Variants in TBXAS1 observed in about 807,000 individuals in gnomAD.
The protein encoded by TBXAS1 is thromboxane A synthase 1, also known as thromboxane-A synthase.
In TBXAS1, 48 loss-of-function variants were observed where a neutral mutation model predicts 60.7. The observed-to-expected ratio is 0.79, with a 90% CI of 0.63 to 1.01. The LOEUF (loss-of-function observed/expected upper bound fraction) is 1.01, where lower values mean the gene tolerates loss of function less well. Ranked by LOEUF, TBXAS1 falls within the 50% of genes least tolerant of loss-of-function variation. TBXAS1 has a pLI of 0.00. For missense variants in TBXAS1, 685 were observed against 686.3 expected (o/e 1.00, Z 0.02); for synonymous variants, 287 against 269.7 (o/e 1.06, Z -0.63).
intron 4 of TBXAS1, among the ~76,000 whole-genome samples, chr7:139,817,855 G>T (rs552785064): frequency 1.4e-4 from 22 of 152,182 alleles, no homozygotes; most frequent in Non-Finnish European, 2.1e-4. Flanking sequence ...TTGGATTATG[G>T]AAACAAACCT....
At chr7:139,811,080 GA>G (rs1798012345) in intron 4 of TBXAS1, among the ~76,000 whole-genome samples, 1 of 152,194 alleles carries the variant, frequency 6.6e-6, no homozygotes, top group Admixed American at 6.5e-5. Context: ...GAGTTCACCT[GA>G]ATTTAATTCA....
intron 4 of TBXAS1, among the ~76,000 whole-genome samples, chr7:139,815,736 C>T (rs1406763223): frequency 1.3e-5 from 2 of 152,074 alleles, no homozygotes; most frequent in African/African-American, 4.8e-5. Context: ...AGTATGAGAC[C>T]AGGGCTTCCG....
At chr7:139,788,759 C>T (rs753921890) in intron 4 of TBXAS1, among the ~76,000 whole-genome samples, 16 of 152,346 alleles carry the variant, frequency 1.1e-4, no homozygotes, top group East Asian at 3.9e-4. Context: ...ATGGAATGGC[C>T]GTGCCCTAGG....
intron 4 of TBXAS1, among the ~76,000 whole-genome samples, chr7:139,803,769 C>A (rs75687480): frequency 0.064 from 9,690 of 152,266 alleles, 1,021 homozygotes; most frequent in African/African-American, 0.22. Context: ...TCAGAGGGTG[C>A]AAGTCCCAAA....
chr7:139,816,055 C>T (rs532666157), intron 4 of TBXAS1, among the ~76,000 whole-genome samples: 1 of 152,268 alleles, frequency 6.6e-6, no homozygotes, highest in African/African-American at 2.4e-5. Flanking sequence ...ATGTTGCTGT[C>T]ATGATAGTGA....
chr7:139,817,947 A>G (rs1798193192), intron 4 of TBXAS1, among the ~76,000 whole-genome samples: 1 of 152,262 alleles, frequency 6.6e-6, no homozygotes, highest in African/African-American at 2.4e-5. Flanking sequence ...ACCTGATGGC[A>G]GCTACCTAAA....
chr7:139,811,078 C>T (rs556203483), intron 4 of TBXAS1, among the ~76,000 whole-genome samples: 1 of 152,340 alleles, frequency 6.6e-6, no homozygotes, highest in African/African-American at 2.4e-5. Context: ...CTGAGTTCAC[C>T]TGAATTTAAT....
intron 1 of TBXAS1, 47 bp from the exon 2 acceptor site, chr7:139,872,188 G>A: frequency 1.3e-6 from 2 of 1,540,174 alleles, no homozygotes; most frequent in Non-Finnish European, 1.8e-6. Flanking sequence ...CCTAAAGCAT[G>A]AGTGCAACTT....
intron 3 of TBXAS1, among the ~76,000 whole-genome samples, chr7:139,892,604 A>AAAC (rs765241109): frequency 1.4e-4 from 22 of 152,148 alleles, no homozygotes; most frequent in Non-Finnish European, 2.2e-4. Flanking sequence ...GAAACAAAAC[A>AAAC]AACAACAACA....
At chr7:139,783,145 G>A (rs1797055171) in intron 3 of TBXAS1, among the ~76,000 whole-genome samples, 1 of 152,154 alleles carries the variant, frequency 6.6e-6, no homozygotes, top group African/African-American at 2.4e-5. Flanking sequence ...AAGGGCAAAG[G>A]GGAGAGCGAG....
chr7:139,951,950 A>AGAG (rs1554496761), intron 5 of TBXAS1, among the ~76,000 whole-genome samples: 10 of 42,006 alleles, frequency 2.4e-4, no homozygotes, highest in South Asian at 9.3e-4. Context: ...GGAAAGAAAG[A>AGAG]AAAGAAAGAA....
At chr7:139,941,715 G>A (rs1234729776) in intron 5 of TBXAS1, among the ~76,000 whole-genome samples, 1 of 152,196 alleles carries the variant, frequency 6.6e-6, no homozygotes, top group Non-Finnish European at 1.5e-5. Flanking sequence ...AAGCACAACT[G>A]TAGATTTAGA....
intron 9 of TBXAS1, among the ~76,000 whole-genome samples, chr7:139,989,284 A>C (rs1445607813): frequency 6.6e-6 from 1 of 152,170 alleles, no homozygotes; most frequent in African/African-American, 2.4e-5. Flanking sequence ...AGGGGTAAGC[A>C]AGCTAGGTTG....
At chr7:139,990,474 C>A (rs533900398) in intron 9 of TBXAS1, among the ~76,000 whole-genome samples, 1 of 152,276 alleles carries the variant, frequency 6.6e-6, no homozygotes, top group South Asian at 2.1e-4. Context: ...ACGCCCAGAG[C>A]CAGCCAGCCT....
At chr7:139,940,448 A>G (rs1183488726) in intron 5 of TBXAS1, among the ~76,000 whole-genome samples, 1 of 152,190 alleles carries the variant, frequency 6.6e-6, no homozygotes. Context: ...CTCAAGATCT[A>G]TATAGTCAGA....
intron 4 of TBXAS1, among the ~76,000 whole-genome samples, chr7:139,817,577 T>C (rs901816624): frequency 1.3e-5 from 2 of 152,180 alleles, no homozygotes; most frequent in Non-Finnish European, 2.9e-5. Flanking sequence ...AGCCACGGGG[T>C]GTCCAGAGGA....
chr7:139,947,897 C>T (rs960054658), intron 5 of TBXAS1, among the ~76,000 whole-genome samples: 2 of 150,508 alleles, frequency 1.3e-5, no homozygotes, highest in Non-Finnish European at 2.9e-5. Flanking sequence ...TGGAGTCTTG[C>T]TCTGTCACCC....
chr7:139,950,884 T>C (rs1809201113), intron 5 of TBXAS1, among the ~76,000 whole-genome samples: 1 of 145,686 alleles, frequency 6.9e-6, no homozygotes, highest in African/African-American at 2.5e-5. Context: ...CCCCTCGCCC[T>C]CCATCTACAG....
chr7:139,912,326 A>T (rs1474125639), intron 4 of TBXAS1, among the ~76,000 whole-genome samples: 1 of 152,084 alleles, frequency 6.6e-6, no homozygotes, highest in Admixed American at 6.6e-5. Flanking sequence ...AAAAATAGGG[A>T]GATAGGCATT....
Sources: gnomAD v4.1 joint callset for allele counts (sites outside exome capture counted in the v4.1 genomes callset) on GRCh38, gnomAD v4.1.1 for gene constraint, MANE v1.5 for transcripts, NCBI Gene and HGNC (gene_info 2026-07-23, HGNC 2026-07-21) for gene names.